Variants in ANKRD36B observed in about 807,000 individuals in gnomAD.
ANKRD36B encodes ankyrin repeat domain-containing protein 36B.
Under a neutral mutation model 135.7 loss-of-function variants are expected in ANKRD36B, and 37 were observed. The observed-to-expected ratio is 0.27, with a 90% CI of 0.21 to 0.36. ANKRD36B has a LOEUF of 0.36. Among genes scored for constraint, ANKRD36B ranks in the 10% least tolerant of loss-of-function variants. ANKRD36B has a pLI of 1.00. For missense variants in ANKRD36B, 549 were observed against 1,037.1 expected (o/e 0.53, Z 6.46); for synonymous variants, 179 against 348.1 (o/e 0.51, Z 5.41).
chr2:97,552,931 T>A (rs1183770716), intron 16 of ANKRD36B, among the ~76,000 whole-genome samples: 1 of 151,942 alleles, frequency 6.6e-6, no homozygotes, highest in Non-Finnish European at 1.5e-5. Context: ...TCTCCAATAT[T>A]TCTTCTTCCC....
At chr2:97,553,279 A>C (rs12998184) in intron 15 of ANKRD36B, 39 bp from the exon 16 acceptor site, 938,755 of 1,596,676 alleles carry the variant, frequency 0.59, 297,606 homozygotes, top group Non-Finnish European at 0.66. Context: ...ATAAATAAAT[A>C]AATGAAGTAT....
At chr2:97,572,486 T>A (rs2081948962) in intron 6 of ANKRD36B, among the ~76,000 whole-genome samples, 1 of 115,922 alleles carries the variant, frequency 8.6e-6, no homozygotes, top group African/African-American at 2.8e-5. Flanking sequence ...ACCTTAAGTG[T>A]CTTAACTTAA....
rs562447564 is a variant in ANKRD36B, at chr2:97,544,458, T to G, written c.1682-473A>C. 2.1e-5 allele frequency among the ~76,000 whole-genome samples: 2 copies of G among 95,108 alleles called. 1 individual carries two copies. Among genetic ancestry groups the G allele is most frequent in the African/African-American group, 6.2e-5 (2 of 32,072 alleles). The allele number at this position is 95,108 out of a possible 152,430, so 62.4% of individuals were successfully genotyped here. On this transcript the variant is annotated intron_variant, in intron 24 of 43. Coordinates refer to ENST00000359901, the MANE Select transcript of ANKRD36B (RefSeq NM_001393939.1). ...AGAAGGCACACAATTACAATGACAC[T>G]TCAGTTGAACGTACACTTCACGTCT... is the stretch of plus-strand genomic sequence containing the variant.
intron 18 of ANKRD36B, among the ~76,000 whole-genome samples, chr2:97,549,825 A>C (rs1391022237): frequency 1.3e-5 from 2 of 151,958 alleles, no homozygotes; most frequent in Admixed American, 1.3e-4. Context: ...TACAATTTCA[A>C]ACATGGTATG....
In ANKRD36B at chr2:97,553,170, G is replaced by T; in HGVS notation, c.1271C>A (p.Thr424Lys). The T allele has an allele frequency of 6.2e-7, 1 of 1,610,810 alleles. No homozygotes were observed. The highest frequency in any genetic ancestry group is 8.5e-7 in the Non-Finnish European group (1 of 1,178,466). The change falls in exon 16 of 44, where the codon ACA becomes AAA. Residue 424 changes from threonine to lysine, a missense_variant and splice_region_variant. Coordinates refer to ENST00000359901, the MANE Select transcript of ANKRD36B (RefSeq NM_001393939.1). ...TTGAATGTGTTTTGCAAAATTACCT[G>T]TCCCAGATTTTTCTCCATCCTTTAT... ...TEIKDGEKSGTVSSQKKPALK... is the reference protein window; with the variant it reads ...TEIKDGEKSGKVSSQKKPALK...
chr2:97,550,383 TC>T (rs1340847253), intron 18 of ANKRD36B, among the ~76,000 whole-genome samples: 6 of 151,890 alleles, frequency 4.0e-5, no homozygotes, highest in Non-Finnish European at 8.8e-5. Flanking sequence ...TGTTTTACAT[TC>T]AGAAATCATT....
intron 4 of ANKRD36B, among the ~76,000 whole-genome samples, 153 bp from the exon 5 acceptor site, chr2:97,579,196 T>C (rs1264223929): frequency 6.7e-6 from 1 of 149,570 alleles, no homozygotes; most frequent in African/African-American, 2.4e-5. Context: ...GGGTTTATCT[T>C]TGCAAGTTAC....
chr2:97,548,036 A>T (rs1476045872), intron 20 of ANKRD36B, among the ~76,000 whole-genome samples: 1 of 151,834 alleles, frequency 6.6e-6, no homozygotes, highest in African/African-American at 2.4e-5. Context: ...GTGATCTAAA[A>T]TCAGAGGAGA....
At chr2:97,582,573 T>C (rs1056999993) in intron 3 of ANKRD36B, among the ~76,000 whole-genome samples, 93 of 152,292 alleles carry the variant, frequency 6.1e-4, no homozygotes, top group South Asian at 1.2e-3. Context: ...GAAGAGAAGC[T>C]TGGAATCCAG....
At chr2:97,554,927 A>T in intron 14 of ANKRD36B, 133 bp downstream of exon 14, 1 of 1,191,802 alleles carries the variant, frequency 8.4e-7, no homozygotes, top group Non-Finnish European at 1.2e-6. Flanking sequence ...AGAACTTATT[A>T]CAGATGAAGA....
intron 35 of ANKRD36B, among the ~76,000 whole-genome samples, chr2:97,525,861 G>T (rs542011334): frequency 1.0e-5 from 1 of 98,302 alleles, no homozygotes; most frequent in East Asian, 2.3e-4. Flanking sequence ...AGGGGCGCCT[G>T]CCATTGCCCA....
chr2:97,588,549 T>C (rs558041109), intron 1 of ANKRD36B, among the ~76,000 whole-genome samples: 23 of 152,244 alleles, frequency 1.5e-4, no homozygotes. Flanking sequence ...TCAAAAGTTT[T>C]CTTAATGTCG....
Position 97,525,514 on chromosome 2 carries a change from C to T in ANKRD36B, c.2266-2047G>A, listed in dbSNP as rs1436256144. On this transcript the variant is annotated intron_variant, in intron 35 of 43. Coordinates refer to ENST00000359901, the MANE Select transcript of ANKRD36B (RefSeq NM_001393939.1). ...GATTTCTGCATTTCCATCTGAGGTA[C>T]CAGGTTCATCTCACTAGGGAGTGCC... Among the ~76,000 whole-genome samples, 4 of 95,922 alleles carry T rather than the reference C, an allele frequency of 4.2e-5. 2 individuals carry two copies. Among genetic ancestry groups the T allele is most frequent in the Non-Finnish European group, 1.1e-4 (4 of 36,050 alleles). 62.9% of individuals were successfully genotyped at this position (95,922 alleles called of 152,430 possible).
chr2:97,568,916 T>C (rs2081633787), intron 6 of ANKRD36B, among the ~76,000 whole-genome samples: 1 of 152,180 alleles, frequency 6.6e-6, no homozygotes, highest in South Asian at 2.1e-4. Flanking sequence ...ATATAGACTG[T>C]TTTCAAAGTG....
At chr2:97,496,898 A>C (rs2104209927) in intron 43 of ANKRD36B, among the ~76,000 whole-genome samples, 2 of 55,168 alleles carry the variant, frequency 3.6e-5, no homozygotes, top group South Asian at 5.2e-4. Context: ...ATGCACTCAT[A>C]ACCCAAGAGC....
chr2:97,562,180 TAAACA>T (rs149413738), intron 6 of ANKRD36B, among the ~76,000 whole-genome samples: 1 of 151,542 alleles, frequency 6.6e-6, no homozygotes, highest in Non-Finnish European at 1.5e-5. Flanking sequence ...GAAAATAAAC[TAAACA>T]AAGTTTCTAA....
At chr2:97,534,057 A>G (rs187207123) in intron 34 of ANKRD36B, among the ~76,000 whole-genome samples, 3,128 of 87,408 alleles carry the variant, frequency 0.036, 771 homozygotes, top group African/African-American at 0.11. Flanking sequence ...CTCCATCTCA[A>G]AAAAAAAAAA....
At position 97,540,837 on chromosome 2, in the gene ANKRD36B, G is replaced by C. The variant is rs1330423509; in HGVS notation, c.1886-608C>G. Among the ~76,000 whole-genome samples the C allele has an allele frequency of 2.1e-5, 2 of 95,956 alleles. 1 individual carries two copies. Among genetic ancestry groups the C allele is most frequent in the Non-Finnish European group, 5.5e-5 (2 of 36,098 alleles). The allele number at this position is 95,956 out of a possible 152,430, so 63.0% of individuals were successfully genotyped here. Reference sequence around the variant, plus strand: ...CCACGTGGTGTAATAATTTGCCTAAGTTTCTTGTATCCACTCGTTTAGCTT... The same window carrying C: ...CCACGTGGTGTAATAATTTGCCTAACTTTCTTGTATCCACTCGTTTAGCTT... On this transcript the variant is annotated intron_variant, in intron 28 of 43. Coordinates refer to ENST00000359901, the MANE Select transcript of ANKRD36B (RefSeq NM_001393939.1).
intron 28 of ANKRD36B, among the ~76,000 whole-genome samples, chr2:97,541,289 A>G (rs1269490378): frequency 1.0e-5 from 1 of 97,038 alleles, no homozygotes; most frequent in African/African-American, 3.1e-5. Flanking sequence ...CAATTCTAGC[A>G]TTGTTTCCTG....
Sources: gnomAD v4.1 joint callset for allele counts (sites outside exome capture counted in the v4.1 genomes callset) on GRCh38, gnomAD v4.1.1 for gene constraint, MANE v1.5 for transcripts, NCBI Gene and HGNC (gene_info 2026-07-23, HGNC 2026-07-21) for gene names.